The following OLAH variants were observed in gnomAD, a reference collection of about 807,000 sequenced individuals.
The protein encoded by OLAH is S-acyl fatty acid synthase thioesterase, medium chain.
A neutral mutation model predicts 27.8 loss-of-function variants in OLAH; 33 were observed. The observed-to-expected ratio is 1.19, with a 90% CI of 0.90 to 1.59. The LOEUF is 1.59. Ranked by LOEUF, OLAH falls within the 40% of genes most tolerant of loss-of-function variation. The pLI, the probability that OLAH is intolerant of heterozygous loss-of-function variation, is 0.00. For missense variants in OLAH, 359 were observed against 310.8 expected (o/e 1.16, Z -1.17); for synonymous variants, 120 against 102.9 (o/e 1.17, Z -1.01).
chr10:15,061,351 C>T (rs1270296193), intron 3 of OLAH, among the ~76,000 whole-genome samples: 1 of 152,138 alleles, frequency 6.6e-6, no homozygotes, highest in Non-Finnish European at 1.5e-5. Flanking sequence ...TAATGCATTC[C>T]AGTGCCTTAT....
chr10:15,065,003 C>A (rs1844440193), intron 5 of OLAH, among the ~76,000 whole-genome samples: 2 of 152,196 alleles, frequency 1.3e-5, no homozygotes, highest in Admixed American at 1.3e-4. Flanking sequence ...TTGCACCAAC[C>A]TAATACTTGC....
intron 3 of OLAH, among the ~76,000 whole-genome samples, chr10:15,054,575 C>A (rs1053436267): frequency 1.3e-5 from 2 of 151,710 alleles, no homozygotes; most frequent in Non-Finnish European, 2.9e-5. Context: ...TCCATGTGTC[C>A]CTATGCTGGA....
At chr10:15,046,483 T>C (rs1015459879) in intron 1 of OLAH, among the ~76,000 whole-genome samples, 3 of 152,044 alleles carry the variant, frequency 2.0e-5, no homozygotes, top group African/African-American at 7.2e-5. Flanking sequence ...TATTTTACTT[T>C]TTGAGATGGA....
Position 15,047,166 on chromosome 10 carries a change from A to C in OLAH, c.-123A>C. ...ATAAGAGTCAGCGCCTTTAAAAAGAAATCTACTCACTCTTCTGTGTGCATA... is the reference window on the plus strand; with the variant it reads ...ATAAGAGTCAGCGCCTTTAAAAAGACATCTACTCACTCTTCTGTGTGCATA... On this transcript the variant is annotated 5_prime_UTR_variant, in exon 2 of 8. Coordinates refer to ENST00000378228, the MANE Select transcript of OLAH (RefSeq NM_001039702.3). 1.2e-6 allele frequency: 1 copy of C among 857,316 alleles called. No individual in the cohort carries two copies. The highest frequency in any genetic ancestry group is 2.0e-5 in the South Asian group (1 of 50,666). The allele number at this position is 857,316 out of a possible 1,614,324, so 53.1% of individuals were successfully genotyped here.
chr10:15,062,962 C>T (rs1844397790), intron 4 of OLAH, among the ~76,000 whole-genome samples: 1 of 152,120 alleles, frequency 6.6e-6, no homozygotes. Flanking sequence ...TGGTCTCAAA[C>T]TGCTGACCTC....
At chr10:15,047,674 C>T (rs1028374916) in intron 2 of OLAH, among the ~76,000 whole-genome samples, 4 of 152,132 alleles carry the variant, frequency 2.6e-5, no homozygotes, top group African/African-American at 7.2e-5. Flanking sequence ...CACTGCACTC[C>T]AGCCTGGTTG....
intron 6 of OLAH, 127 bp downstream of exon 6, chr10:15,065,880 T>A: frequency 1.3e-6 from 1 of 767,180 alleles, no homozygotes; most frequent in Non-Finnish European, 2.1e-6. Flanking sequence ...TCATTTCCTT[T>A]GGGGCCACCT....
At position 15,073,578 on chromosome 10, in the gene OLAH, T is replaced by G; in HGVS notation, c.*349T>G. On this transcript the variant is annotated 3_prime_UTR_variant, in exon 8 of 8. Coordinates refer to ENST00000378228, the MANE Select transcript of OLAH (RefSeq NM_001039702.3). The stretch of plus-strand genomic sequence containing the variant: ...GGGAGGCTGAGGCAGGAGAATGGTG[T>G]GAACCTGGGAGGTGGAGCTTGCAGT... 1 of 170,774 alleles carries G rather than the reference T, an allele frequency of 5.9e-6. No homozygotes were observed. The highest frequency in any genetic ancestry group is 1.2e-5 in the Non-Finnish European group (1 of 82,316). The allele number at this position is 170,774 out of a possible 1,614,324, so 10.6% of individuals were successfully genotyped here.
rs76205854 is a variant in OLAH, at chr10:15,068,247, A to G, written c.572+2494A>G. 3.1e-3 allele frequency among the ~76,000 whole-genome samples: 473 copies of G among 152,272 alleles called. 2 individuals are homozygous for G. The highest frequency in any genetic ancestry group is 0.011 in the African/African-American group (457 of 41,566). Reference sequence around the variant, plus strand: ...ATGAATGTTAGCCACCTTTTCCACTAAATCTGTTGATAAATTAATCCTATG... The same window carrying G: ...ATGAATGTTAGCCACCTTTTCCACTGAATCTGTTGATAAATTAATCCTATG... On this transcript the variant is annotated intron_variant, in intron 6 of 7. Coordinates refer to ENST00000378228, the MANE Select transcript of OLAH (RefSeq NM_001039702.3).
chr10:15,067,277 A>G (rs534927809), intron 6 of OLAH, among the ~76,000 whole-genome samples: 4 of 152,328 alleles, frequency 2.6e-5, no homozygotes, highest in Non-Finnish European at 5.9e-5. Flanking sequence ...GAAACATGCC[A>G]TCTTTAGAGT....
At chr10:15,035,014 C>T (rs965361826) in intron 1 of OLAH, among the ~76,000 whole-genome samples, 1 of 152,100 alleles carries the variant, frequency 6.6e-6, no homozygotes, top group Non-Finnish European at 1.5e-5. Flanking sequence ...GTTGGCCAGG[C>T]TGGTCACGAA....
intron 3 of OLAH, among the ~76,000 whole-genome samples, chr10:15,052,316 TTTG>T: frequency 6.6e-6 from 1 of 152,250 alleles, no homozygotes; most frequent in Non-Finnish European, 1.5e-5. Flanking sequence ...GGCTGCTGGC[TTTG>T]ACCCATGGGT....
At chr10:15,072,998 G>A (rs1589256504) in intron 7 of OLAH, 89 bp from the exon 8 acceptor site, 1 of 1,233,892 alleles carries the variant, frequency 8.1e-7, no homozygotes, top group East Asian at 2.3e-5. Flanking sequence ...CCGTACTTCA[G>A]GGTGTCAGCT....
rs10717821 is a variant in OLAH, at chr10:15,057,395, CTTTT to C, written c.164-4312_164-4309del. On this transcript the variant is annotated intron_variant, in intron 3 of 7. Coordinates refer to ENST00000378228, the MANE Select transcript of OLAH (RefSeq NM_001039702.3). The stretch of plus-strand genomic sequence containing the variant: ...ACATGTATGTGGGTCTATTTCTGGG[CTTTT>C]TTTTTTTTTTTTTTTTGAGATGGAG... Among the ~76,000 whole-genome samples, 121 of 93,206 alleles carry C rather than the reference CTTTT, an allele frequency of 1.3e-3. 1 individual carries two copies. Among genetic ancestry groups the C allele is most frequent in the African/African-American group, 5.5e-3 (115 of 20,812 alleles). 61.1% of individuals were successfully genotyped at this position (93,206 alleles called of 152,430 possible).
chr10:15,041,911 T>TC (rs1353953229), upstream of OLAH, among the ~76,000 whole-genome samples: 1 of 151,956 alleles, frequency 6.6e-6, no homozygotes, highest in African/African-American at 2.4e-5. Context: ...TCTGGGCTCT[T>TC]CCTGAGAGGC....
upstream of OLAH, among the ~76,000 whole-genome samples, chr10:15,041,206 C>T (rs1411710286): frequency 2.6e-5 from 4 of 152,208 alleles, no homozygotes; most frequent in South Asian, 2.1e-4. Context: ...ATCACCAGCA[C>T]GATAGGATAC....
intron 3 of OLAH, among the ~76,000 whole-genome samples, chr10:15,059,986 G>A (rs1270685259): frequency 6.6e-6 from 1 of 151,870 alleles, no homozygotes; most frequent in Non-Finnish European, 1.5e-5. Context: ...TTGGATCTAC[G>A]ACTTTGTAAG....
intron 6 of OLAH, among the ~76,000 whole-genome samples, chr10:15,066,454 T>A (rs973085521): frequency 1.3e-5 from 2 of 152,044 alleles, no homozygotes; most frequent in East Asian, 3.8e-4. Flanking sequence ...GTTTGCTTTT[T>A]TGTACATTTT....
intron 5 of OLAH, among the ~76,000 whole-genome samples, chr10:15,065,211 G>A (rs1050371103): frequency 3.3e-5 from 5 of 152,154 alleles, no homozygotes; most frequent in African/African-American, 1.2e-4. Context: ...AAGACTCCTT[G>A]AAATGTTAAA....
Sources: gnomAD v4.1 joint callset for allele counts (sites outside exome capture counted in the v4.1 genomes callset) on GRCh38, gnomAD v4.1.1 for gene constraint, MANE v1.5 for transcripts, NCBI Gene and HGNC (gene_info 2026-07-23, HGNC 2026-07-21) for gene names.